The following MAST3 variants were observed in gnomAD, a reference collection of about 807,000 sequenced individuals.
MAST3 encodes microtubule-associated serine/threonine-protein kinase 3.
MAST3 carries 43 observed loss-of-function variants against 127.0 expected under a neutral mutation model. The ratio of observed to expected loss-of-function variants is 0.34; its 90% CI spans 0.27 to 0.44. The LOEUF (loss-of-function observed/expected upper bound fraction) is 0.44. Ranked by LOEUF, MAST3 falls within the 20% of genes least tolerant of loss-of-function variation. The pLI, the probability that MAST3 is intolerant of heterozygous loss-of-function variation, is 1.00. For missense variants in MAST3, 1,390 were observed against 1,919.1 expected (o/e 0.72, Z 5.15); for synonymous variants, 785 against 809.2 (o/e 0.97, Z 0.51).
Position 18,149,243 on chromosome 19 carries a change from C to T in MAST3, c.3561C>T (p.Ser1187=). The T allele has an allele frequency of 1.3e-6, 2 of 1,562,160 alleles. No individual in the cohort carries two copies. The highest frequency in any genetic ancestry group is 2.4e-5 in the South Asian group (2 of 84,748). ...CCCCGAGCTCCAGCAGCCCCGCCTC[C>T]CCAGCTGCTGCTGGCCACACCCGCC... ...SASPSSSSPA[S]PAAAGHTRPS... The change falls in exon 28 of 28, where the codon TCC becomes TCT. Residue 1187 remains serine, a synonymous_variant. Coordinates refer to ENST00000687212, the MANE Select transcript of MAST3 (RefSeq NM_001393504.1). This position sits in a 1 kb window ranked among gnomAD's most constrained non-coding sequence, Gnocchi z 5.9.
chr19:18,103,334 T>A (rs2037805341), intron 1 of MAST3, among the ~76,000 whole-genome samples: 1 of 151,788 alleles, frequency 6.6e-6, no homozygotes, highest in South Asian at 2.1e-4. Context: ...GGTCAGGAGG[T>A]CAAGACCAGC....
chr19:18,114,196 T>C (rs980779332), intron 3 of MAST3, among the ~76,000 whole-genome samples: 1 of 151,330 alleles, frequency 6.6e-6, no homozygotes, highest in Admixed American at 6.6e-5. Context: ...CTTTTTCTTT[T>C]TTTTTTTTTT....
In MAST3 at chr19:18,128,521, C is replaced by T. The variant is rs951106142; in HGVS notation, c.1137+63C>T. On this transcript the variant is annotated intron_variant, in intron 12 of 27. Transcript: ENST00000687212. ...TTCTTTCCAGAGTGGACCAGGCACC[C>T]GCAGAAAGGGCTGGGTTTGCCGAGG... 12 of 1,482,810 alleles carry T rather than the reference C, an allele frequency of 8.1e-6. No individual in the cohort carries two copies. The African/African-American group carries it at 8.4e-5, about 10-fold the overall frequency. 91.9% of individuals were successfully genotyped at this position (1,482,810 alleles called of 1,614,324 possible).
rs556388027 is a variant in MAST3 at position 18,141,682 on chromosome 19, T to C, written c.2206-200T>C. Reference sequence around the variant, plus strand: ...GTCACCAGGCCTGGTCTAAGCCAGCTTTCTTGCCACCTTTGTTACTGGTTT... The same window carrying C: ...GTCACCAGGCCTGGTCTAAGCCAGCCTTCTTGCCACCTTTGTTACTGGTTT... On this transcript the variant is annotated intron_variant, in intron 20 of 27. Coordinates refer to ENST00000687212, the MANE Select transcript of MAST3 (RefSeq NM_001393504.1). Among the ~76,000 whole-genome samples, 3 of 152,268 alleles carry C rather than the reference T, an allele frequency of 2.0e-5. No homozygotes were observed. The South Asian group carries it at 6.2e-4, about 32-fold the overall frequency.
Position 18,121,918 on chromosome 19 carries a change from C to G in MAST3, c.316C>G (p.Arg106Gly). 1 of 1,614,006 alleles carries G rather than the reference C, an allele frequency of 6.2e-7. No individual in the cohort carries two copies. The highest frequency in any genetic ancestry group is 8.5e-7 in the Non-Finnish European group (1 of 1,179,896). ...CTCTGCCCTAAATTTCCCCTTTGCCCGGAGGTGAGTGATTGCCGGCTTTGG... is the reference window on the plus strand; with the variant it reads ...CTCTGCCCTAAATTTCCCCTTTGCCGGGAGGTGAGTGATTGCCGGCTTTGG... ...AASALNFPFA[R>G]RADGRRWSLA... Residue 106 changes from arginine (R) to glycine (G), a missense_variant, in exon 5 of 28, where the codon CGG becomes GGG. Transcript: ENST00000687212.
Position 18,145,206 on chromosome 19 carries a change from T to C in MAST3, c.3016T>C (p.Tyr1006His). 1 of 1,613,952 alleles carries C rather than the reference T, an allele frequency of 6.2e-7. No homozygotes were observed. The highest frequency in any genetic ancestry group is 8.5e-7 in the Non-Finnish European group (1 of 1,179,876). Residue 1006 changes from tyrosine to histidine, a missense_variant, in exon 24 of 28, where the codon TAC becomes CAC. By Grantham distance (83) the Tyr-to-His change is moderately conservative. Coordinates refer to ENST00000687212, the MANE Select transcript of MAST3 (RefSeq NM_001393504.1). This position sits in a 1 kb window ranked among gnomAD's most constrained non-coding sequence, Gnocchi z 5.9. ...CGTCTACATGGGTGATAGCGACGTC[T>C]ACACTGTGCACCACGTCGTCTGGGT... ...IRVYMGDSDVYTVHHVVWSVE... is the reference protein window; with the variant it reads ...IRVYMGDSDVHTVHHVVWSVE...
chr19:18,144,841 T>G lies in MAST3; in HGVS notation c.2812+148T>G. On this transcript the variant is annotated intron_variant, in intron 23 of 27. Transcript: ENST00000687212. The surrounding 1 kb of genome is among the most constrained non-coding windows in gnomAD (Gnocchi z 4.0). Reference sequence around the variant, plus strand: ...ACATGGAGAGCTGGGGAGATGGTGTTCCCAGTAGAGGGCACTGCACGTGCA... The same window carrying G: ...ACATGGAGAGCTGGGGAGATGGTGTGCCCAGTAGAGGGCACTGCACGTGCA... 1.0e-6 allele frequency: 1 copy of G among 998,980 alleles called. No individual in the cohort carries two copies. 61.9% of individuals were successfully genotyped at this position (998,980 alleles called of 1,614,324 possible). A position where few individuals can be genotyped will look rare whatever the true frequency, so the allele number is the denominator to read the frequency against.
Position 18,110,117 on chromosome 19 carries a change from C to G in MAST3, c.72-535C>G. The G allele has an allele frequency of 1.0e-6, 1 of 985,308 alleles. No individual in the cohort carries two copies. The highest frequency in any genetic ancestry group is 1.2e-6 in the Non-Finnish European group (1 of 829,912). 61.0% of individuals were successfully genotyped at this position (985,308 alleles called of 1,614,324 possible). ...GCCGGGCCGGGCCTGCGCGCAGGTG[C>G]GGAGCTGCGATCCCCGCCCCGAGGC... On this transcript the variant is annotated intron_variant, in intron 2 of 27. Coordinates refer to ENST00000687212, the MANE Select transcript of MAST3 (RefSeq NM_001393504.1). The surrounding 1 kb of genome is among the most constrained non-coding windows in gnomAD (Gnocchi z 4.3).
At chr19:18,109,004 G>A (rs552098536) in intron 2 of MAST3, among the ~76,000 whole-genome samples, 1 of 152,270 alleles carries the variant, frequency 6.6e-6, no homozygotes, top group East Asian at 1.9e-4. Context: ...GCTGGGGGTG[G>A]CTTTATCCTG....
chr19:18,101,882 CTTTTTTTTTTTTT>C (rs760652186), intron 1 of MAST3, among the ~76,000 whole-genome samples: 1 of 69,344 alleles, frequency 1.4e-5, no homozygotes, highest in Non-Finnish European at 2.6e-5. Context: ...GCCTCAAACT[CTTTTTTTTTTTTT>C]TTTTTTTTTT....
chr19:18,124,519 A>C (rs916560562), intron 10 of MAST3, 123 bp from the exon 11 acceptor site: 4 of 1,380,830 alleles, frequency 2.9e-6, no homozygotes, highest in Admixed American at 4.3e-5. Flanking sequence ...TTCCCTAAGG[A>C]GGCAGCGGGA....
intron 10 of MAST3, 105 bp from the exon 11 acceptor site, chr19:18,124,537 C>A (rs2040368893): frequency 1.2e-5 from 18 of 1,448,712 alleles, no homozygotes; most frequent in Non-Finnish European, 1.7e-5. Context: ...GGAGTGGAGA[C>A]CCAGTGGGTG....
At chr19:18,128,798 C>A (rs1314166259) in intron 12 of MAST3, 68 bp from the exon 13 acceptor site, 14 of 1,305,910 alleles carry the variant, frequency 1.1e-5, no homozygotes, top group Non-Finnish European at 1.5e-5. Flanking sequence ...GTGGTTTGGG[C>A]TTGGGGGCAG....
At chr19:18,116,281 TTTTA>T (rs1294665910) in intron 3 of MAST3, among the ~76,000 whole-genome samples, 1 of 150,970 alleles carries the variant, frequency 6.6e-6, no homozygotes. Context: ...CTTTTATTTC[TTTTA>T]TTTTTTATTT....
Position 18,123,321 on chromosome 19 carries a change from T to C in MAST3, c.504T>C (p.Leu168=). ...ACTTCCGCAGCTCAGAGAATGTGCTTGATGAGGAAGGCGGCCGGTCACCCC... is the reference window on the plus strand; with the variant it reads ...ACTTCCGCAGCTCAGAGAATGTGCTCGATGAGGAAGGCGGCCGGTCACCCC... ...SKHFRSSENV[L]DEEGGRSPRL... is the part of the protein sequence containing the mutation. The change falls in exon 7 of 28, where the codon CTT becomes CTC. Residue 168 remains leucine, a synonymous_variant. Coordinates refer to ENST00000687212, the MANE Select transcript of MAST3 (RefSeq NM_001393504.1). 6.2e-7 allele frequency: 1 copy of C among 1,613,710 alleles called. No individual in the cohort carries two copies. Among genetic ancestry groups the C allele is most frequent in the East Asian group, 2.2e-5 (1 of 44,878 alleles).
intron 21 of MAST3, 72 bp from the exon 22 acceptor site, chr19:18,143,691 G>T: frequency 1.3e-6 from 2 of 1,582,650 alleles, no homozygotes; most frequent in Admixed American, 1.7e-5. Context: ...TTAAGATGTG[G>T]CCATGAAGGT....
intron 25 of MAST3, among the ~76,000 whole-genome samples, chr19:18,146,250 G>A (rs887537713): frequency 1.3e-5 from 2 of 152,160 alleles, no homozygotes; most frequent in Non-Finnish European, 2.9e-5. Context: ...ACCAGCCTGG[G>A]CAACAGAGCG....
At position 18,144,980 on chromosome 19, in the gene MAST3, A is replaced by AC; in HGVS notation, c.2813-18dup. On this transcript the variant is annotated intron_variant, in intron 23 of 27. Coordinates refer to ENST00000687212, the MANE Select transcript of MAST3 (RefSeq NM_001393504.1). This position sits in a 1 kb window ranked among gnomAD's most constrained non-coding sequence, Gnocchi z 4.0. ...GGGGAGACCTGTGAGGGAGTGAGTG[A>AC]CCCCCTCCCTAACCCCCTGCAGATG... The AC allele has an allele frequency of 8.9e-7, 1 of 1,120,440 alleles. No individual in the cohort carries two copies. Among genetic ancestry groups the AC allele is most frequent in the Non-Finnish European group, 1.3e-6 (1 of 746,744 alleles). The allele number at this position is 1,120,440 out of a possible 1,614,324, so 69.4% of individuals were successfully genotyped here.
chr19:18,144,775 G>T lies in MAST3; in HGVS notation c.2812+82G>T. On this transcript the variant is annotated intron_variant, in intron 23 of 27. Transcript: ENST00000687212. The surrounding 1 kb of genome is among the most constrained non-coding windows in gnomAD (Gnocchi z 4.0). Reference sequence around the variant, plus strand: ...GTGGGGGCCCTTCCTGAGTTGGGGAGGCTGGGGATGAGCCCCAGAAGAGGG... The same window carrying T: ...GTGGGGGCCCTTCCTGAGTTGGGGATGCTGGGGATGAGCCCCAGAAGAGGG... 1 of 1,454,354 alleles carries T rather than the reference G, an allele frequency of 6.9e-7. No homozygotes were observed. Among genetic ancestry groups the T allele is most frequent in the South Asian group, 1.1e-5 (1 of 87,126 alleles). 90.1% of individuals were successfully genotyped at this position (1,454,354 alleles called of 1,614,324 possible).
Sources: gnomAD v4.1 joint callset for allele counts (sites outside exome capture counted in the v4.1 genomes callset) on GRCh38, gnomAD v4.1.1 for gene constraint, Gnocchi (gnomAD v3.1) non-coding constraint, MANE v1.5 for transcripts, NCBI Gene and HGNC (gene_info 2026-07-23, HGNC 2026-07-21) for gene names.